TNFRSF10B: variants seen among roughly 807,000 people sequenced by gnomAD.
TNFRSF10B encodes TNF receptor superfamily member 10b.
TNFRSF10B carries 35 observed loss-of-function variants against 41.4 expected under a neutral mutation model. The ratio of observed to expected loss-of-function variants is 0.85; its 90% CI spans 0.65 to 1.12. The LOEUF is 1.12. TNFRSF10B is among the 50% of genes most tolerant of loss of function. The pLI is 0.00. For synonymous variants in TNFRSF10B, 230 were observed against 215.5 expected (o/e 1.07, Z -0.59); for missense variants, 584 against 552.7 (o/e 1.06, Z -0.57).
At position 23,043,185 on chromosome 8, in the gene TNFRSF10B, G is replaced by A. The variant is rs753058398; in HGVS notation, c.203C>T (p.Ala68Val). ...QQDLAPQQRA[A>V]PQQKRSSPSE... Reference sequence around the variant, plus strand: ...GGGGCTGGACCTCTTTTGTTGTGGGGCCGCTCTCTGCTGGGGAGCTAGGTC... The same window carrying A: ...GGGGCTGGACCTCTTTTGTTGTGGGACCGCTCTCTGCTGGGGAGCTAGGTC... The change falls in exon 2 of 9, where the codon GCC becomes GTC. Residue 68 changes from alanine (A) to valine (V), a missense_variant. By Grantham distance (64) the Ala-to-Val change is moderately conservative (BLOSUM62 0). Coordinates refer to ENST00000276431, the MANE Select transcript of TNFRSF10B (RefSeq NM_003842.5). The A allele has an allele frequency of 7.4e-6, 12 of 1,614,018 alleles. No homozygotes were observed. The highest frequency in any genetic ancestry group is 1.3e-5 in the African/African-American group (1 of 74,916).
chr8:23,020,947 A>G lies in TNFRSF10B; in HGVS notation c.*1724T>C. On this transcript the variant is annotated 3_prime_UTR_variant, in exon 9 of 9. Transcript: ENST00000276431. ...TGGAAGTGGGAGAGGATGGAAGTGC[A>G]AAGACCAGAAAGGTCACCCCCCACT... 1 of 454,110 alleles carries G rather than the reference A, an allele frequency of 2.2e-6. No individual in the cohort carries two copies. Among genetic ancestry groups the G allele is most frequent in the Non-Finnish European group, 4.4e-6 (1 of 226,788 alleles). The allele number at this position is 454,110 out of a possible 1,614,324, so 28.1% of individuals were successfully genotyped here.
chr8:23,051,699 C>G (rs984669561), intron 1 of TNFRSF10B, among the ~76,000 whole-genome samples: 2 of 152,100 alleles, frequency 1.3e-5, no homozygotes, highest in African/African-American at 2.4e-5. Context: ...CGCCCGCCAC[C>G]GCGCCTGGTT....
chr8:23,028,231 T>TTAGACTTGGGGCAGGGG, intron 5 of TNFRSF10B, 100 bp downstream of exon 5: 1 of 1,556,200 alleles, frequency 6.4e-7, no homozygotes, highest in East Asian at 2.2e-5. Context: ...CTGGAGGCAC[T>TTAGACTTGGGGCAGGGG]TAGACTTGGG....
chr8:23,063,448 C>A (rs1272207421), intron 1 of TNFRSF10B, among the ~76,000 whole-genome samples: 1 of 152,120 alleles, frequency 6.6e-6, no homozygotes, highest in African/African-American at 2.4e-5. Flanking sequence ...CAATGACGTG[C>A]CCATACTGTC....
chr8:23,033,521 G>C (rs1388609388), intron 2 of TNFRSF10B, among the ~76,000 whole-genome samples: 2 of 145,282 alleles, frequency 1.4e-5, no homozygotes, highest in African/African-American at 5.2e-5. Context: ...CCAGGGGCCG[G>C]AGCCTGCAGT....
At position 23,028,382 on chromosome 8, in the gene TNFRSF10B, T is replaced by TGCAAACAAACACAGCC. The variant is rs1438328466; in HGVS notation, c.681_696dup (p.Lys233GlyfsTer29). 6.2e-7 allele frequency: 1 copy of TGCAAACAAACACAGCC among 1,613,982 alleles called. No homozygotes were observed. The highest frequency in any genetic ancestry group is 8.5e-7 in the Non-Finnish European group (1 of 1,179,996). On this transcript the variant is annotated frameshift_variant, in exon 5 of 9. Coordinates refer to ENST00000276431, the MANE Select transcript of TNFRSF10B (RefSeq NM_003842.5). LOFTEE classifies it high-confidence loss of function. ...AGGACTTTCTTCCACAGTAAAGACT[T>TGCAAACAAACACAGCC]GCAAACAAACACAGCCACAATCAAG...
chr8:23,044,345 T>C (rs1812291399), intron 1 of TNFRSF10B, among the ~76,000 whole-genome samples: 1 of 152,182 alleles, frequency 6.6e-6, no homozygotes, highest in South Asian at 2.1e-4. Context: ...AATTAAAAAC[T>C]TTTGTGCATC....
At chr8:23,026,721 T>C (rs532970181) in intron 7 of TNFRSF10B, among the ~76,000 whole-genome samples, 24 of 152,322 alleles carry the variant, frequency 1.6e-4, no homozygotes, top group South Asian at 6.2e-4. Context: ...ATCCTACTTT[T>C]TGGAAGCTGC....
chr8:23,030,942 G>A (rs1198286159), intron 2 of TNFRSF10B, 70 bp from the exon 3 acceptor site: 3 of 1,116,354 alleles, frequency 2.7e-6, no homozygotes, highest in Non-Finnish European at 4.0e-6. Flanking sequence ...TGGTGGCTGG[G>A]GGACTCCTCT....
chr8:23,027,331 C>G, intron 6 of TNFRSF10B, 43 bp from the exon 7 acceptor site: 1 of 1,612,678 alleles, frequency 6.2e-7, no homozygotes, highest in Non-Finnish European at 8.5e-7. Context: ...ACTCAGGAGT[C>G]CACACCTAGG....
intron 2 of TNFRSF10B, among the ~76,000 whole-genome samples, chr8:23,035,615 G>A (rs1252514723): frequency 1.3e-5 from 2 of 152,010 alleles, no homozygotes; most frequent in Non-Finnish European, 2.9e-5. Flanking sequence ...AAATTTCAAG[G>A]GCCTTTTACC....
At chr8:23,055,513 T>C (rs1341247610) in intron 1 of TNFRSF10B, among the ~76,000 whole-genome samples, 1 of 88,158 alleles carries the variant, frequency 1.1e-5, no homozygotes, top group East Asian at 4.0e-4. Context: ...AGTTAACTAT[T>C]AAATGCTTAA....
In TNFRSF10B at chr8:23,024,240, C is replaced by G. The variant is rs763429391; in HGVS notation, c.957G>C (p.Arg319Ser). 6.2e-7 allele frequency: 1 copy of G among 1,614,122 alleles called. No individual in the cohort carries two copies. The highest frequency in any genetic ancestry group is 8.5e-7 in the Non-Finnish European group (1 of 1,180,006). The change falls in exon 8 of 9, where the codon AGG becomes AGC. Residue 319 changes from arginine (R) to serine (S), a missense_variant. Arg to Ser is a moderately radical substitution (Grantham distance 110). Transcript: ENST00000276431. ...EHLLEPAEAE[R>S]SQRRRLLVPA... Reference sequence around the variant, plus strand: ...GAACCAGCAGCCTCCTCCTCTGAGACCTTTCAGCTTCTGCCGGTTCCTGTA... The same window carrying G: ...GAACCAGCAGCCTCCTCCTCTGAGAGCTTTCAGCTTCTGCCGGTTCCTGTA...
At chr8:23,061,138 TAA>T (rs757222332) in intron 1 of TNFRSF10B, among the ~76,000 whole-genome samples, 1 of 152,136 alleles carries the variant, frequency 6.6e-6, no homozygotes, top group Admixed American at 6.5e-5. Flanking sequence ...CCACAAAATA[TAA>T]GTTTTACACC....
At chr8:23,045,165 A>T (rs928948246) in intron 1 of TNFRSF10B, among the ~76,000 whole-genome samples, 1 of 151,828 alleles carries the variant, frequency 6.6e-6, no homozygotes, top group Admixed American at 6.6e-5. Context: ...GGGAGGTGAA[A>T]GTGGCAGTAA....
At chr8:23,024,745 C>T (rs1047685618) in intron 7 of TNFRSF10B, among the ~76,000 whole-genome samples, 7 of 152,104 alleles carry the variant, frequency 4.6e-5, no homozygotes, top group East Asian at 1.9e-4. Flanking sequence ...GTTGGCCAGG[C>T]TAGTCTCAAA....
chr8:23,055,521 T>TAAAAAA (rs34761330), intron 1 of TNFRSF10B, among the ~76,000 whole-genome samples: 2 of 120,544 alleles, frequency 1.7e-5, no homozygotes, highest in African/African-American at 3.1e-5. Context: ...ATTAAATGCT[T>TAAAAAA]AAAAAAAAAA....
rs1811554688 is a variant in TNFRSF10B, at chr8:23,022,288, A to T, written c.*383T>A. ...CCCACCCAAAAAAGGTTCATATCAT[A>T]TAGTATCAAGTGAAGTCGGACAACG... On this transcript the variant is annotated 3_prime_UTR_variant, in exon 9 of 9. Transcript: ENST00000276431. 2.2e-6 allele frequency: 1 copy of T among 456,026 alleles called. No homozygotes were observed. Among genetic ancestry groups the T allele is most frequent in the Admixed American group, 2.3e-5 (1 of 42,598 alleles). The allele number at this position is 456,026 out of a possible 1,614,324, so 28.2% of individuals were successfully genotyped here.
rs900534262 is a variant in TNFRSF10B at position 23,041,365 on chromosome 8, G to A, written c.250+1773C>T. 7.4e-5 allele frequency among the ~76,000 whole-genome samples: 11 copies of A among 149,102 alleles called. No individual in the cohort carries two copies. The South Asian group carries it at 2.6e-3, about 35-fold the overall frequency. ...AGTCACTGCGCCCGGCGTTATATGG[G>A]AATTTTTATTAGAATTTTGGACCCA... On this transcript the variant is annotated intron_variant, in intron 2 of 8. Transcript: ENST00000276431.
Sources: gnomAD v4.1 joint callset for allele counts (sites outside exome capture counted in the v4.1 genomes callset) on GRCh38, gnomAD v4.1.1 for gene constraint, MANE v1.5 for transcripts, NCBI Gene and HGNC (gene_info 2026-07-23, HGNC 2026-07-21) for gene names.